Variants in PDE4B observed in about 807,000 individuals in gnomAD.
The protein encoded by PDE4B is phosphodiesterase 4B, also known as 3',5'-cyclic-AMP phosphodiesterase 4B.
PDE4B carries 20 observed loss-of-function variants against 82.2 expected under a neutral mutation model. That is an observed-to-expected ratio of 0.24 (90% CI 0.17 to 0.35). The LOEUF (loss-of-function observed/expected upper bound fraction) is 0.35. Among genes scored for constraint, PDE4B ranks in the 10% least tolerant of loss-of-function variants. The pLI is 1.00. For synonymous variants in PDE4B, 320 were observed against 318.9 expected, an observed-to-expected ratio of 1.00 and a Z score of -0.04; for missense variants, 655 against 907.2, an observed-to-expected ratio of 0.72 and a Z score of 3.57.
At chr1:65,960,227 A>G (rs1649478753) in intron 3 of PDE4B, among the ~76,000 whole-genome samples, 1 of 152,074 alleles carries the variant, frequency 6.6e-6, no homozygotes, top group Non-Finnish European at 1.5e-5. Flanking sequence ...TCGGTGACTG[A>G]GAAGGAAGTA....
At chr1:65,987,206 A>G (rs1650998524) in intron 3 of PDE4B, among the ~76,000 whole-genome samples, 1 of 152,178 alleles carries the variant, frequency 6.6e-6, no homozygotes, top group Non-Finnish European at 1.5e-5. Context: ...ACATGAAACC[A>G]TGCTCAAGCA....
At chr1:65,982,219 A>G (rs1022218838) in intron 3 of PDE4B, among the ~76,000 whole-genome samples, 5 of 152,204 alleles carry the variant, frequency 3.3e-5, no homozygotes, top group Non-Finnish European at 7.3e-5. Flanking sequence ...TATAAAATAG[A>G]AAAGAACGTG....
At chr1:65,946,681 T>C (rs1475451915) in intron 3 of PDE4B, among the ~76,000 whole-genome samples, 3 of 152,004 alleles carry the variant, frequency 2.0e-5, no homozygotes, top group Non-Finnish European at 4.4e-5. Context: ...GTGTGCACTG[T>C]ATAAAACACA....
At chr1:66,237,847 T>A (rs554057369) in intron 3 of PDE4B, among the ~76,000 whole-genome samples, 97 of 152,322 alleles carry the variant, frequency 6.4e-4, no homozygotes, top group Non-Finnish European at 1.2e-3. Context: ...AGACATTTGT[T>A]CATAACCTGC....
intron 3 of PDE4B, among the ~76,000 whole-genome samples, chr1:66,105,259 G>A (rs1282624405): frequency 6.8e-6 from 1 of 147,982 alleles, no homozygotes; most frequent in African/African-American, 2.5e-5. Context: ...TAGATATGTG[G>A]CATCATTTCT....
intron 1 of PDE4B, among the ~76,000 whole-genome samples, chr1:65,822,446 C>T (rs949755626): frequency 3.3e-5 from 5 of 152,110 alleles, no homozygotes; most frequent in Admixed American, 6.6e-5. Context: ...TATCAATTTA[C>T]TCCAACAGTC....
At chr1:65,864,814 G>A (rs1646492913) in intron 1 of PDE4B, among the ~76,000 whole-genome samples, 4 of 152,182 alleles carry the variant, frequency 2.6e-5, no homozygotes, top group Admixed American at 2.6e-4. Flanking sequence ...CCTGTTGGGA[G>A]GTCTCTCCCA....
chr1:65,998,737 C>G (rs936703386), intron 3 of PDE4B, among the ~76,000 whole-genome samples: 1 of 152,004 alleles, frequency 6.6e-6, no homozygotes, highest in African/African-American at 2.4e-5. Flanking sequence ...TGGTACAATA[C>G]CCCCACATGC....
At chr1:66,192,454 T>A (rs1324553480) in intron 3 of PDE4B, among the ~76,000 whole-genome samples, 2 of 152,194 alleles carry the variant, frequency 1.3e-5, no homozygotes, top group African/African-American at 4.8e-5. Flanking sequence ...CTCACTGTAC[T>A]GTCCTTACTG....
chr1:65,993,465 GAGGTGGT>G (rs1467091983), intron 3 of PDE4B, among the ~76,000 whole-genome samples: 2 of 152,214 alleles, frequency 1.3e-5, no homozygotes, highest in Non-Finnish European at 2.9e-5. Context: ...CATATCTGTT[GAGGTGGT>G]AGGTGACTTT....
At chr1:65,969,786 T>C (rs542024829) in intron 3 of PDE4B, among the ~76,000 whole-genome samples, 1 of 152,264 alleles carries the variant, frequency 6.6e-6, no homozygotes, top group East Asian at 1.9e-4. Flanking sequence ...TGATTAGTTT[T>C]GTTTCTTTAT....
Position 66,065,662 on chromosome 1 carries a change from A to G in PDE4B, c.281+146827A>G, listed in dbSNP as rs374222804. 1.8e-4 allele frequency among the ~76,000 whole-genome samples: 28 copies of G among 151,982 alleles called. 2 individuals are homozygous for G. The highest frequency in any genetic ancestry group is 1.4e-3 in the East Asian group (7 of 5,182). On this transcript the variant is annotated intron_variant, in intron 3 of 16. Transcript: ENST00000341517. The stretch of plus-strand genomic sequence containing the variant: ...AAGAGACTTTGGTGATCATTTAGTC[A>G]TCTAGTCCAACTTCCTCATTTATAG...
chr1:65,929,074 G>C (rs1247783479), intron 3 of PDE4B, among the ~76,000 whole-genome samples: 1 of 152,060 alleles, frequency 6.6e-6, no homozygotes, highest in East Asian at 1.9e-4. Flanking sequence ...CTCCTCATGG[G>C]TCACACTCTC....
chr1:66,359,766 T>C (rs890627683), intron 9 of PDE4B, among the ~76,000 whole-genome samples: 2 of 152,102 alleles, frequency 1.3e-5, no homozygotes, highest in African/African-American at 4.8e-5. Context: ...TAGCAAAAAG[T>C]AGTAGTTATT....
At chr1:65,819,493 G>GTTT (rs1645925495) in intron 1 of PDE4B, among the ~76,000 whole-genome samples, 1 of 64,300 alleles carries the variant, frequency 1.6e-5, no homozygotes, top group African/African-American at 4.6e-5. Flanking sequence ...TCTCTTGTTT[G>GTTT]TTTTTGTTTT....
chr1:66,295,851 C>A (rs528316591), intron 7 of PDE4B, among the ~76,000 whole-genome samples: 3 of 152,282 alleles, frequency 2.0e-5, no homozygotes, highest in African/African-American at 7.2e-5. Flanking sequence ...TCTAAACACA[C>A]ACATTGTTAA....
chr1:66,181,230 G>C (rs556894746), intron 3 of PDE4B, among the ~76,000 whole-genome samples: 55 of 152,248 alleles, frequency 3.6e-4, no homozygotes, highest in African/African-American at 1.3e-3. Context: ...TAAATGAATG[G>C]GAGAGGATGA....
intron 3 of PDE4B, among the ~76,000 whole-genome samples, chr1:66,059,290 C>A (rs1655464754): frequency 6.6e-6 from 1 of 152,182 alleles, no homozygotes; most frequent in African/African-American, 2.4e-5. Context: ...AAGTTCCAAG[C>A]CTTCCCACAT....
intron 3 of PDE4B, among the ~76,000 whole-genome samples, chr1:65,948,205 C>G (rs1171811993): frequency 6.6e-6 from 1 of 151,602 alleles, no homozygotes; most frequent in Non-Finnish European, 1.5e-5. Flanking sequence ...CCACCCGTAC[C>G]CATTGTGAGA....
Sources: allele counts gnomAD v4.1 joint callset (sites outside exome capture counted in the v4.1 genomes callset), GRCh38; gene constraint gnomAD v4.1.1; transcripts MANE v1.5; gene names NCBI Gene and HGNC (gene_info 2026-07-23, HGNC 2026-07-21).